Variants in DNAJC1 observed in about 807,000 individuals in gnomAD.
DNAJC1 encodes DnaJ heat shock protein family (Hsp40) member C1, also known as dnaJ homolog subfamily C member 1.
DNAJC1 carries 58 observed loss-of-function variants against 76.6 expected under a neutral mutation model. That is an observed-to-expected ratio of 0.76 (90% CI 0.61 to 0.94). DNAJC1 has a LOEUF of 0.94. DNAJC1 is among the 40% of genes least tolerant of loss of function. DNAJC1 has a pLI of 0.00. For missense variants in DNAJC1, 689 were observed against 677.3 expected (o/e 1.02, Z -0.19); for synonymous variants, 258 against 267.9 (o/e 0.96, Z 0.36).
At chr10:21,915,790 A>G (rs1311432908) in intron 6 of DNAJC1, among the ~76,000 whole-genome samples, 1 of 151,980 alleles carries the variant, frequency 6.6e-6, no homozygotes, top group Non-Finnish European at 1.5e-5. Context: ...CAAGCTCAAA[A>G]TAAGAGTTGT....
chr10:21,762,367 C>T (rs982193396), intron 10 of DNAJC1, among the ~76,000 whole-genome samples: 12 of 152,074 alleles, frequency 7.9e-5, no homozygotes, highest in Non-Finnish European at 1.5e-4. Flanking sequence ...TGAAAAATTG[C>T]TTAATACTGG....
chr10:21,757,647 T>C (rs1451429668), intron 11 of DNAJC1, among the ~76,000 whole-genome samples: 5 of 152,210 alleles, frequency 3.3e-5, no homozygotes, highest in African/African-American at 4.8e-5. Flanking sequence ...TTAGTAGCTA[T>C]GCTGTCCCTA....
At chr10:21,932,910 T>A (rs1247355142) in intron 1 of DNAJC1, among the ~76,000 whole-genome samples, 1 of 152,098 alleles carries the variant, frequency 6.6e-6, no homozygotes, top group Non-Finnish European at 1.5e-5. Flanking sequence ...TACAGGCAAA[T>A]GTATTAGCCA....
chr10:21,944,930 G>A (rs545761602), intron 1 of DNAJC1, among the ~76,000 whole-genome samples: 7 of 152,270 alleles, frequency 4.6e-5, no homozygotes, highest in African/African-American at 1.7e-4. Context: ...AAGAAAATCC[G>A]CAGGCCAGAG....
At position 21,856,741 on chromosome 10, in the gene DNAJC1, AT is replaced by A. The variant is rs34547710; in HGVS notation, c.978+25540del. Among the ~76,000 whole-genome samples, 191 of 149,156 alleles carry A rather than the reference AT, an allele frequency of 1.3e-3. No individual in the cohort carries two copies. The South Asian group carries it at 0.016, about 12-fold the overall frequency. ...TCACTAATGACACATAGAAAAAAAA[AT>A]TTTTTTTTTTTGAGACAGAGTCTCA... On this transcript the variant is annotated intron_variant, in intron 8 of 11. Coordinates refer to ENST00000376980, the MANE Select transcript of DNAJC1 (RefSeq NM_022365.4).
intron 1 of DNAJC1, among the ~76,000 whole-genome samples, chr10:21,996,988 T>C (rs1489161164): frequency 6.6e-6 from 1 of 152,226 alleles, no homozygotes; most frequent in Admixed American, 6.5e-5. Flanking sequence ...TGTGTATCTC[T>C]TTCTCCAAAT....
At chr10:21,799,187 G>C (rs983380456) in intron 9 of DNAJC1, among the ~76,000 whole-genome samples, 2 of 152,158 alleles carry the variant, frequency 1.3e-5, no homozygotes, top group Non-Finnish European at 2.9e-5. Context: ...TGAAACAAGT[G>C]CTCTTTCTAC....
chr10:21,853,785 C>T (rs12359915), intron 8 of DNAJC1, among the ~76,000 whole-genome samples: 1 of 76,920 alleles, frequency 1.3e-5, no homozygotes, highest in African/African-American at 6.6e-5. Flanking sequence ...GAGACTCCAT[C>T]TCAAAAAAAA....
At chr10:21,838,165 G>A (rs1278855234) in intron 8 of DNAJC1, among the ~76,000 whole-genome samples, 77 of 152,014 alleles carry the variant, frequency 5.1e-4, no homozygotes, top group Non-Finnish European at 9.9e-4. Context: ...TGACGATGGC[G>A]GTTTTGTCGA....
At chr10:21,974,760 G>C (rs1023965603) in intron 1 of DNAJC1, among the ~76,000 whole-genome samples, 1 of 151,794 alleles carries the variant, frequency 6.6e-6, no homozygotes, top group Non-Finnish European at 1.5e-5. Flanking sequence ...GTTTAAAATG[G>C]AGAAAAAACG....
At chr10:21,962,086 T>A (rs1837803598) in intron 1 of DNAJC1, among the ~76,000 whole-genome samples, 1 of 152,226 alleles carries the variant, frequency 6.6e-6, no homozygotes, top group Non-Finnish European at 1.5e-5. Flanking sequence ...TGCAGTCTCT[T>A]GCACCACACT....
At chr10:21,823,687 T>C (rs532819835) in intron 8 of DNAJC1, among the ~76,000 whole-genome samples, 8 of 151,926 alleles carry the variant, frequency 5.3e-5, no homozygotes, top group Non-Finnish European at 7.4e-5. Flanking sequence ...GAAGAAGAGT[T>C]GTCTTGGGTC....
chr10:21,804,105 G>T, intron 9 of DNAJC1: 1 of 308,192 alleles, frequency 3.2e-6, no homozygotes, highest in Non-Finnish European at 4.7e-6. Context: ...AGGCTTTGTT[G>T]GTTATATCCT....
intron 1 of DNAJC1, among the ~76,000 whole-genome samples, chr10:21,965,330 T>C (rs1458000700): frequency 6.6e-6 from 1 of 152,220 alleles, no homozygotes; most frequent in Non-Finnish European, 1.5e-5. Context: ...ATTGTGAATA[T>C]AGTACAGTTT....
At chr10:21,929,189 A>G in intron 1 of DNAJC1, 48 bp from the exon 2 acceptor site, 5 of 1,341,548 alleles carry the variant, frequency 3.7e-6, no homozygotes, top group South Asian at 3.7e-5. Context: ...CTTTGTCAGA[A>G]AAAGAAATTC....
intron 8 of DNAJC1, among the ~76,000 whole-genome samples, chr10:21,832,233 ATCT>A (rs1835369748): frequency 6.6e-6 from 1 of 152,038 alleles, no homozygotes; most frequent in South Asian, 2.1e-4. Flanking sequence ...AGTCACAGTA[ATCT>A]TCTCATTCTC....
At chr10:21,934,897 A>C (rs1459677779) in intron 1 of DNAJC1, among the ~76,000 whole-genome samples, 1 of 152,188 alleles carries the variant, frequency 6.6e-6, no homozygotes, top group Non-Finnish European at 1.5e-5. Context: ...CAGAGATTCT[A>C]AGCTAACTGA....
chr10:21,813,204 CTCTCTCTCTCTCTCTCTA>C (rs1182098180), intron 8 of DNAJC1, among the ~76,000 whole-genome samples: 98 of 77,134 alleles, frequency 1.3e-3, no homozygotes, highest in East Asian at 1.7e-3. Flanking sequence ...CTCTCTCTCT[CTCTCTCTCTCTCTCTCTA>C]TATATATATA....
rs759822162 is a variant in DNAJC1, at chr10:21,920,883, T to G, written c.452A>C (p.Asn151Thr). 1.2e-6 allele frequency: 2 copies of G among 1,613,174 alleles called. No homozygotes were observed. Among genetic ancestry groups the G allele is most frequent in the Admixed American group, 3.3e-5 (2 of 59,966 alleles). The change falls in exon 4 of 12, where the codon AAT (asparagine) becomes ACT (threonine). Residue 151 changes from asparagine (N) to threonine (T), a missense_variant. Physicochemically the swap from Asn to Thr is moderately conservative, Grantham distance 65 (BLOSUM62 0). Coordinates refer to ENST00000376980, the MANE Select transcript of DNAJC1 (RefSeq NM_022365.4). ...FYYRRVRKMS[N>T]AELALLLFII... ...GAACAAGAGTAATGCCAGCTCAGCA[T>G]TGCTCATTTTTCTCACCCGCCTGTA... is the stretch of plus-strand genomic sequence containing the variant.
Sources: allele counts gnomAD v4.1 joint callset (sites outside exome capture counted in the v4.1 genomes callset), GRCh38; gene constraint gnomAD v4.1.1; transcripts MANE v1.5; gene names NCBI Gene and HGNC (gene_info 2026-07-23, HGNC 2026-07-21).